TMC5: variants seen among roughly 807,000 people sequenced by gnomAD.
TMC5 encodes transmembrane channel-like protein 5.
TMC5 carries 86 observed loss-of-function variants against 110.5 expected under a neutral mutation model. The observed-to-expected ratio is 0.78, with a 90% CI of 0.65 to 0.93. TMC5 has a LOEUF of 0.93. Among genes scored for constraint, TMC5 ranks in the 40% least tolerant of loss-of-function variants. TMC5 has a pLI of 0.00. For missense variants in TMC5, 1,144 were observed against 1,222.8 expected (o/e 0.94, Z 0.96); for synonymous variants, 455 against 439.5 (o/e 1.04, Z -0.44).
In TMC5 at chr16:19,464,001, G is replaced by A. The variant is rs1968095492; in HGVS notation, c.1462G>A (p.Gly488Arg). Reference protein sequence around the residue: ...VAKKNTLQFTGLEFFTGVGYF... With the variant: ...VAKKNTLQFTRLEFFTGVGYF... Reference sequence around the variant, plus strand: ...CAAAAAGAACACCCTCCAGTTCACTGGGCTGGAGTTTTTCACTGGGGTGGT... The same window carrying A: ...CAAAAAGAACACCCTCCAGTTCACTAGGCTGGAGTTTTTCACTGGGGTGGT... The change falls in exon 8 of 22, where the codon GGG becomes AGG. Residue 488 changes from glycine to arginine, a missense_variant. Gly to Arg is a moderately radical substitution (Grantham distance 125). Coordinates refer to ENST00000542583, the MANE Select transcript of TMC5 (RefSeq NM_001261841.2). 4.3e-6 allele frequency: 7 copies of A among 1,613,920 alleles called. No individual in the cohort carries two copies. The highest frequency in any genetic ancestry group is 5.9e-6 in the Non-Finnish European group (7 of 1,180,000).
At position 19,447,196 on chromosome 16, in the gene TMC5, G is replaced by A. The variant is rs562113763; in HGVS notation, c.959-2346G>A. 7.9e-5 allele frequency among the ~76,000 whole-genome samples: 12 copies of A among 152,232 alleles called. No individual in the cohort carries two copies. In the East Asian group the frequency reaches 2.3e-3, roughly 29 times the overall value. On this transcript the variant is annotated intron_variant, in intron 4 of 21. Coordinates refer to ENST00000542583, the MANE Select transcript of TMC5 (RefSeq NM_001261841.2). ...AACTACGCTGAGTTTGTTGTGCTTG[G>A]CTCTACGTCATGGGTTCTATTTAGT...
intron 5 of TMC5, among the ~76,000 whole-genome samples, chr16:19,459,540 G>A (rs1967967168): frequency 6.6e-6 from 1 of 152,092 alleles, no homozygotes; most frequent in Admixed American, 6.6e-5. Flanking sequence ...CAGTTTGGGA[G>A]GCTGAGGTGA....
intron 19 of TMC5, among the ~76,000 whole-genome samples, chr16:19,493,057 G>A (rs1278245324): frequency 6.6e-6 from 1 of 151,050 alleles, no homozygotes; most frequent in African/African-American, 2.4e-5. Context: ...CGCCTCCCGG[G>A]TTCAAGCAAT....
Position 19,446,462 on chromosome 16 carries a change from G to A in TMC5, c.958+2212G>A, listed in dbSNP as rs150516459. On this transcript the variant is annotated intron_variant, in intron 4 of 21. Coordinates refer to ENST00000542583, the MANE Select transcript of TMC5 (RefSeq NM_001261841.2). Reference sequence around the variant, plus strand: ...TGTGCTACTCCAGTGCAAGTGGAACGTATAACTGCAAGCAAATCTTGAGTG... The same window carrying A: ...TGTGCTACTCCAGTGCAAGTGGAACATATAACTGCAAGCAAATCTTGAGTG... 1.5e-3 allele frequency among the ~76,000 whole-genome samples: 233 copies of A among 152,336 alleles called. 1 individual carries two copies. The highest frequency in any genetic ancestry group is 2.8e-3 in the Non-Finnish European group (192 of 68,024).
At chr16:19,465,036 T>A (rs1968132492) in intron 8 of TMC5, among the ~76,000 whole-genome samples, 1 of 105,298 alleles carries the variant, frequency 9.5e-6, no homozygotes, top group Non-Finnish European at 1.8e-5. Flanking sequence ...TCTTTCTTTC[T>A]TTCTTTCTTT....
rs1967993423 is a variant in TMC5, at chr16:19,460,429, A to C, written c.1148+95A>C. 3.7e-6 allele frequency: 3 copies of C among 810,880 alleles called. No homozygotes were observed. In the African/African-American group the frequency reaches 5.3e-5, roughly 14 times the overall value. The allele number at this position is 810,880 out of a possible 1,614,324, so 50.2% of individuals were successfully genotyped here. ...TCAAAAAGATAAGAAATAAATAAGC[A>C]CAATAGAAGAGACAAATATTCCTGA... On this transcript the variant is annotated intron_variant, in intron 6 of 21. Coordinates refer to ENST00000542583, the MANE Select transcript of TMC5 (RefSeq NM_001261841.2).
chr16:19,474,268 C>T lies in TMC5; in HGVS notation c.2082C>T (p.Leu694=), dbSNP rs746225309. The change falls in exon 12 of 22, where the codon CTC becomes CTT. Residue 694 remains leucine (L), a synonymous_variant. Transcript: ENST00000542583. ...TGCCACGGCACGAAGTCTACGTTCT[C>T]CTGATCCGGTAGGTGATGTGTCGCG... ...YEMPRHEVYV[L]LIRNIFLKIS... 1.9e-6 allele frequency: 3 copies of T among 1,613,896 alleles called. No individual in the cohort carries two copies. The South Asian group carries it at 3.3e-5, about 18-fold the overall frequency.
At chr16:19,451,125 C>A (rs777683706) in intron 5 of TMC5, among the ~76,000 whole-genome samples, 1 of 152,020 alleles carries the variant, frequency 6.6e-6, no homozygotes, top group South Asian at 2.1e-4. Context: ...CAGAGTGAGA[C>A]CCTGTCTCAA....
Position 19,463,814 on chromosome 16 carries a change from G to A in TMC5, c.1275G>A (p.Leu425=). The part of the protein sequence containing the change: ...RRSKNSLSEI[L]NSISLWQKTL... ...CCAAGAACAGCCTGTCGGAAATTCT[G>A]AATTCCATCAGCCTGTGGCAGAAGA... is the stretch of plus-strand genomic sequence containing the variant. Residue 425 remains leucine (L), a synonymous_variant, in exon 8 of 22, where the codon CTG becomes CTA. Coordinates refer to ENST00000542583, the MANE Select transcript of TMC5 (RefSeq NM_001261841.2). 1 of 1,614,148 alleles carries A rather than the reference G, an allele frequency of 6.2e-7. No individual in the cohort carries two copies. Among genetic ancestry groups the A allele is most frequent in the Non-Finnish European group, 8.5e-7 (1 of 1,180,006 alleles).
upstream of TMC5, among the ~76,000 whole-genome samples, chr16:19,413,408 C>T (rs1202432633): frequency 6.6e-6 from 1 of 151,678 alleles, no homozygotes; most frequent in Non-Finnish European, 1.5e-5. Context: ...CCTGTGGTTC[C>T]AGCTACTCGG....
intron 15 of TMC5, among the ~76,000 whole-genome samples, chr16:19,486,731 G>A (rs529756100): frequency 2.1e-4 from 32 of 152,048 alleles, no homozygotes; most frequent in Non-Finnish European, 3.4e-4. Context: ...GCCTCCTACA[G>A]TGATCTCATT....
chr16:19,434,456 C>CATA, intron 2 of TMC5, among the ~76,000 whole-genome samples: 1 of 67,888 alleles, frequency 1.5e-5, no homozygotes, highest in Non-Finnish European at 2.7e-5. Context: ...TATTATATAT[C>CATA]TATATCTATA....
intron 8 of TMC5, among the ~76,000 whole-genome samples, chr16:19,465,532 A>T (rs910557154): frequency 1.7e-4 from 26 of 152,130 alleles, no homozygotes; most frequent in Non-Finnish European, 2.4e-4. Context: ...CCATCTCAAA[A>T]AAATAAATAA....
chr16:19,492,663 C>G (rs1271103531), intron 19 of TMC5, among the ~76,000 whole-genome samples: 1 of 151,746 alleles, frequency 6.6e-6, no homozygotes, highest in African/African-American at 2.4e-5. Flanking sequence ...CCAGGCTGGT[C>G]TCGAACTGCT....
intron 3 of TMC5, among the ~76,000 whole-genome samples, chr16:19,441,203 T>C (rs746783257): frequency 2.0e-5 from 3 of 152,198 alleles, no homozygotes; most frequent in Non-Finnish European, 4.4e-5. Flanking sequence ...ACATCAACAG[T>C]GATGAATTGT....
chr16:19,467,282 C>T (rs910820884), intron 9 of TMC5, among the ~76,000 whole-genome samples: 1 of 152,070 alleles, frequency 6.6e-6, no homozygotes, highest in Non-Finnish European at 1.5e-5. Context: ...GCCTGAAGTC[C>T]AAGATCAAGG....
upstream of TMC5, among the ~76,000 whole-genome samples, chr16:19,413,463 G>T (rs1426209420): frequency 1.5e-5 from 2 of 136,946 alleles, no homozygotes; most frequent in African/African-American, 5.3e-5. Flanking sequence ...GGCAGAGATT[G>T]CAGTGAGCTA....
chr16:19,456,639 G>T (rs1055234903), intron 5 of TMC5: 1 of 1,553,044 alleles, frequency 6.4e-7, no homozygotes, highest in East Asian at 2.3e-5. Flanking sequence ...ATCAATGCGG[G>T]TGTGACTGCT....
In TMC5 at chr16:19,462,468, G is replaced by A; in HGVS notation, c.1149-812G>A. ...TACTTGAGACTGGGTGATTTATAAA[G>A]GAAAGAGGTTTAATGGACTCACTGT... On this transcript the variant is annotated intron_variant, in intron 6 of 21. Coordinates refer to ENST00000542583, the MANE Select transcript of TMC5 (RefSeq NM_001261841.2). 3 of 699,056 alleles carry A rather than the reference G, an allele frequency of 4.3e-6. 1 individual carries two copies. Among genetic ancestry groups the A allele is most frequent in the Non-Finnish European group, 7.8e-6 (3 of 383,666 alleles). The allele number at this position is 699,056 out of a possible 1,614,324, so 43.3% of individuals were successfully genotyped here.
Sources: gnomAD v4.1 joint callset for allele counts (sites outside exome capture counted in the v4.1 genomes callset) on GRCh38, gnomAD v4.1.1 for gene constraint, MANE v1.5 for transcripts, NCBI Gene and HGNC (gene_info 2026-07-23, HGNC 2026-07-21) for gene names.